H2BC12: variants seen among roughly 807,000 people sequenced by gnomAD.
H2BC12 encodes the protein histone H2B type 1-K.
H2BC12 carries 6 observed loss-of-function variants against 6.3 expected under a neutral mutation model. The ratio of observed to expected loss-of-function variants is 0.95; its 90% CI spans 0.52 to 1.87. The LOEUF (loss-of-function observed/expected upper bound fraction) is 1.87, where lower values mean the gene tolerates loss of function less well. H2BC12 is among the 40% of genes most tolerant of loss of function. The pLI, the probability that H2BC12 is intolerant of heterozygous loss-of-function variation, is 0.01. For synonymous variants in H2BC12, 132 were observed against 78.5 expected (o/e 1.68, Z -3.60); for missense variants, 119 against 178.4 (o/e 0.67, Z 1.90).
At chr6:27,146,322 G>A, downstream of H2BC12, 3 of 1,572,752 alleles carry the variant, frequency 1.9e-6, no homozygotes, top group Non-Finnish European at 2.6e-6. Context: ...TTTAAGCCTG[G>A]ATTAGGAACA....
downstream of H2BC12, among the ~76,000 whole-genome samples, chr6:27,142,825 C>T (rs1314051208): frequency 2.7e-5 from 4 of 150,698 alleles, no homozygotes; most frequent in Admixed American, 6.6e-5. Context: ...TTAGCAGAGA[C>T]GGGGTTTCAC....
chr6:27,139,645 C>A, the H2BC12 span: 2 of 1,585,084 alleles, frequency 1.3e-6, no homozygotes, highest in South Asian at 2.3e-5. Flanking sequence ...CCCAGTCATT[C>A]TCTAAAAAGG....
chr6:27,139,933 T>C, the H2BC12 span: 15 of 339,578 alleles, frequency 4.4e-5, no homozygotes, highest in African/African-American at 2.2e-4. Context: ...GCGGTCCAAA[T>C]AGGGGCGGGC....
At chr6:27,144,582 C>G (rs1272494029), downstream of H2BC12, among the ~76,000 whole-genome samples, 1 of 149,182 alleles carries the variant, frequency 6.7e-6, no homozygotes, top group Non-Finnish European at 1.5e-5. Context: ...CCCAGTATTT[C>G]TATTAAAACA....
chr6:27,145,712 G>A (rs1275971618), downstream of H2BC12, among the ~76,000 whole-genome samples: 1 of 152,104 alleles, frequency 6.6e-6, no homozygotes, highest in African/African-American at 2.4e-5. Context: ...ACCAATTGAC[G>A]CTGAACATGC....
At chr6:27,143,118 A>G (rs1760027175), downstream of H2BC12, among the ~76,000 whole-genome samples, 6 of 152,008 alleles carry the variant, frequency 3.9e-5, no homozygotes, top group Admixed American at 3.3e-4. Flanking sequence ...TTGGGAGGCC[A>G]AGGCAGGTGG....
At chr6:27,144,979 G>A (rs1760053488), downstream of H2BC12, among the ~76,000 whole-genome samples, 1 of 152,070 alleles carries the variant, frequency 6.6e-6, no homozygotes, top group Non-Finnish European at 1.5e-5. Context: ...ACTGTTAGTA[G>A]AGACGGGGTT....
At chr6:27,144,253 G>A (rs1159646693), downstream of H2BC12, among the ~76,000 whole-genome samples, 1 of 151,998 alleles carries the variant, frequency 6.6e-6, no homozygotes, top group Non-Finnish European at 1.5e-5. Flanking sequence ...CCCAAGGTCG[G>A]GAGTTCCAGA....
chr6:27,146,793 C>T lies in H2BC12; in HGVS notation c.6G>A (p.Pro2=), dbSNP rs762322075. 1.4e-5 allele frequency: 22 copies of T among 1,613,702 alleles called. No homozygotes were observed. The African/African-American group carries it at 1.5e-4, about 11-fold the overall frequency. The change falls in exon 1 of 1, where the codon CCG becomes CCA. Residue 2 remains proline, a synonymous_variant. Transcript: ENST00000356950. ...GCGCGGGAGCGGACTTCGCTGGTTC[C>T]GGCATGTTGAAGGCGAACTACGAGC... M[P]EPAKSAPAPK... is the part of the protein sequence containing the mutation.
At chr6:27,140,557 G>A in the H2BC12 span, among the ~76,000 whole-genome samples, 1 of 151,854 alleles carries the variant, frequency 6.6e-6, no homozygotes, top group African/African-American at 2.4e-5. Context: ...GTATACAGCT[G>A]TGCATTTTCT....
At chr6:27,145,295 T>TACACACACACACACACACACAC (rs57882884), downstream of H2BC12, among the ~76,000 whole-genome samples, 3 of 142,614 alleles carry the variant, frequency 2.1e-5, no homozygotes, top group African/African-American at 7.8e-5. Context: ...ATATGTTAAA[T>TACACACACACACACACACACAC]ACACACACAC....
At chr6:27,139,715 CT>C in the H2BC12 span, 1 of 1,471,198 alleles carries the variant, frequency 6.8e-7, no homozygotes, top group Non-Finnish European at 9.1e-7. Context: ...AACTGAGTCT[CT>C]TAATAGGGCC....
the H2BC12 span, chr6:27,139,408 G>GGATA: frequency 6.2e-7 from 1 of 1,614,246 alleles, no homozygotes; most frequent in East Asian, 2.2e-5. Context: ...CACCAAGCCA[G>GGATA]CCATTCGGCG....
the H2BC12 span, chr6:27,139,838 T>C: frequency 1.4e-6 from 1 of 707,338 alleles, no homozygotes; most frequent in African/African-American, 1.8e-5. Context: ...GAAGAGCCTC[T>C]GCTGGCCAGT....
chr6:27,146,357 A>C (rs143491879), downstream of H2BC12: 780 of 1,607,526 alleles, frequency 4.9e-4, 2 homozygotes, highest in Middle Eastern at 3.0e-3. Context: ...TAATATCGAT[A>C]ATTTAAGTGG....
chr6:27,146,387 G>C lies in H2BC12; in HGVS notation c.*31C>G. ...AAGTGGCTCTTAAAAGAGCCTTTGG[G>C]GTTGGGCTTTAAGACGCTTACTTGG... On this transcript the variant is annotated 3_prime_UTR_variant, in exon 1 of 1. Coordinates refer to ENST00000356950, the MANE Select transcript of H2BC12 (RefSeq NM_001312653.2). 1 of 1,614,044 alleles carries C rather than the reference G, an allele frequency of 6.2e-7. No individual in the cohort carries two copies. The highest frequency in any genetic ancestry group is 2.2e-5 in the East Asian group (1 of 44,888).
downstream of H2BC12, among the ~76,000 whole-genome samples, chr6:27,146,172 T>A (rs368086602): frequency 9.8e-5 from 15 of 152,346 alleles, no homozygotes; most frequent in South Asian, 4.1e-4. Context: ...TGCACATCCC[T>A]AATTTTTTAG....
chr6:27,139,823 G>A, the H2BC12 span: 6 of 825,872 alleles, frequency 7.3e-6, no homozygotes, highest in African/African-American at 5.3e-5. Context: ...ATTTTTCCAA[G>A]GCCAGAAGAG....
At chr6:27,146,020 G>A (rs1253921921), downstream of H2BC12, among the ~76,000 whole-genome samples, 1 of 152,186 alleles carries the variant, frequency 6.6e-6, no homozygotes, top group African/African-American at 2.4e-5. Flanking sequence ...ACTCACGTTA[G>A]AACGCCATTA....
Sources: allele counts gnomAD v4.1 joint callset (sites outside exome capture counted in the v4.1 genomes callset), GRCh38; gene constraint gnomAD v4.1.1; transcripts MANE v1.5; gene names NCBI Gene and HGNC (gene_info 2026-07-23, HGNC 2026-07-21).